CDH12: variants seen among roughly 807,000 people sequenced by gnomAD.
CDH12 encodes the protein cadherin-12.
Under a neutral mutation model 74.1 loss-of-function variants are expected in CDH12, and 41 were observed. The observed-to-expected ratio is 0.55, with a 90% confidence interval of 0.43 to 0.72. CDH12 has a LOEUF of 0.72. CDH12 is among the 30% of genes least tolerant of loss of function. The probability of loss-of-function intolerance (pLI) is 0.00; values close to 1 mark genes in which losing one functional copy is unlikely to be tolerated. For synonymous variants in CDH12, 399 were observed against 355.0 expected, an observed-to-expected ratio of 1.12 and a Z score of -1.39; for missense variants, 945 against 977.2, an observed-to-expected ratio of 0.97 and a Z score of 0.44.
chr5:22,767,397 A>C (rs932188017), intron 1 of CDH12, among the ~76,000 whole-genome samples: 3 of 152,042 alleles, frequency 2.0e-5, no homozygotes, highest in African/African-American at 7.2e-5. Flanking sequence ...TTATTTTATG[A>C]TATGATAGTG....
chr5:22,378,029 T>G (rs1054794415), intron 3 of CDH12, among the ~76,000 whole-genome samples: 1 of 152,196 alleles, frequency 6.6e-6, no homozygotes, highest in Non-Finnish European at 1.5e-5. Context: ...AATAACTGAT[T>G]ATGAATAATA....
intron 2 of CDH12, among the ~76,000 whole-genome samples, chr5:22,414,387 G>A (rs116503431): frequency 0.012 from 1,835 of 151,866 alleles, 38 homozygotes; most frequent in African/African-American, 0.041. Context: ...ATTGTTGTTT[G>A]AATAAAGATT....
intron 1 of CDH12, among the ~76,000 whole-genome samples, chr5:22,595,108 A>T (rs1374484749): frequency 2.0e-5 from 3 of 152,218 alleles, no homozygotes; most frequent in African/African-American, 7.2e-5. Flanking sequence ...ACAAAAAAAG[A>T]CATAAAATGA....
At position 22,078,846 on chromosome 5, in the gene CDH12, A is replaced by G. The variant is rs1742518085; in HGVS notation, c.-170T>C. On this transcript the variant is annotated 5_prime_UTR_variant, in exon 5 of 15. Coordinates refer to ENST00000382254, the MANE Select transcript of CDH12 (RefSeq NM_004061.5). ...GATGAAAAGGCTTCTGCTGTATTAT[A>G]TTCCATCTAAAGGGGCCTATGAAAT... is the stretch of plus-strand genomic sequence containing the variant. 1 of 1,399,200 alleles carries G rather than the reference A, an allele frequency of 7.1e-7. No homozygotes were observed. Among genetic ancestry groups the G allele is most frequent in the African/African-American group, 1.4e-5 (1 of 69,188 alleles). 86.7% of individuals were successfully genotyped at this position (1,399,200 alleles called of 1,614,324 possible). A position where few individuals can be genotyped will look rare whatever the true frequency, so the allele number is the denominator to read the frequency against.
In CDH12 at chr5:22,697,571, CA is replaced by C. The variant is rs397997008; in HGVS notation, c.-523+155486del. On this transcript the variant is annotated intron_variant, in intron 1 of 14. Coordinates refer to ENST00000382254, the MANE Select transcript of CDH12 (RefSeq NM_004061.5). ...TGGGCGACAGAGCGAGACTCTGTCTCAAAAAAAAAAAAAAAAAAGAAAGAAA... is the reference window on the plus strand; with the variant it reads ...TGGGCGACAGAGCGAGACTCTGTCTCAAAAAAAAAAAAAAAAAGAAAGAAA... Among the ~76,000 whole-genome samples the C allele has an allele frequency of 3.0e-3, 305 of 102,266 alleles. 2 individuals carry two copies. Among genetic ancestry groups the C allele is most frequent in the African/African-American group, 8.2e-3 (219 of 26,762 alleles). The allele number at this position is 102,266 out of a possible 152,430, so 67.1% of individuals were successfully genotyped here.
intron 5 of CDH12, among the ~76,000 whole-genome samples, chr5:22,027,924 T>C (rs1738494816): frequency 6.6e-6 from 1 of 152,298 alleles, no homozygotes; most frequent in East Asian, 1.9e-4. Context: ...CAATTTTGGA[T>C]CCTTCCTACT....
At chr5:22,382,913 C>T (rs1187275934) in intron 3 of CDH12, among the ~76,000 whole-genome samples, 1 of 152,070 alleles carries the variant, frequency 6.6e-6, no homozygotes, top group Non-Finnish European at 1.5e-5. Context: ...TCACTGCAAC[C>T]TCTGCCTCCC....
At chr5:22,475,818 A>G (rs1269230816) in intron 2 of CDH12, among the ~76,000 whole-genome samples, 1 of 152,106 alleles carries the variant, frequency 6.6e-6, no homozygotes, top group African/African-American at 2.4e-5. Context: ...CAAATTTTGA[A>G]TTACTTTTAA....
intron 8 of CDH12, among the ~76,000 whole-genome samples, chr5:21,834,986 G>A (rs537964824): frequency 9.9e-5 from 15 of 151,920 alleles, no homozygotes; most frequent in South Asian, 2.1e-4. Flanking sequence ...GCATACTGGA[G>A]ATAGTGATAA....
Position 22,767,907 on chromosome 5 carries a change from A to G in CDH12, c.-523+85151T>C, listed in dbSNP as rs117167228. Reference sequence around the variant, plus strand: ...ATTTCATTTTGATCTCACATTTTCAATGCAGAACATAAGCATTTAAACTAT... The same window carrying G: ...ATTTCATTTTGATCTCACATTTTCAGTGCAGAACATAAGCATTTAAACTAT... On this transcript the variant is annotated intron_variant, in intron 1 of 14. Coordinates refer to ENST00000382254, the MANE Select transcript of CDH12 (RefSeq NM_004061.5). Among the ~76,000 whole-genome samples, 28 of 152,156 alleles carry G rather than the reference A, an allele frequency of 1.8e-4. No individual in the cohort carries two copies. In the East Asian group the frequency reaches 4.4e-3, roughly 24 times the overall value.
In CDH12 at chr5:21,760,673, T is replaced by C; in HGVS notation, c.1518A>G (p.Ile506Met). 6.4e-7 allele frequency: 1 copy of C among 1,561,418 alleles called. No homozygotes were observed. Among genetic ancestry groups the C allele is most frequent in the Non-Finnish European group, 8.8e-7 (1 of 1,132,316 alleles). ...AVCENAKPGQIIQIVSAADRD... is the reference protein window; with the variant it reads ...AVCENAKPGQMIQIVSAADRD... ...GGTCTGCAGCACTGACTATCTGAATTATCTGCAACAGAGTTGAGATTAAAG... is the reference window on the plus strand; with the variant it reads ...GGTCTGCAGCACTGACTATCTGAATCATCTGCAACAGAGTTGAGATTAAAG... The change falls in exon 13 of 15, where the codon ATA (isoleucine) becomes ATG (methionine). Residue 506 changes from isoleucine to methionine, a missense_variant and splice_region_variant. Transcript: ENST00000382254.
At chr5:22,312,772 C>A (rs1415426905) in intron 3 of CDH12, among the ~76,000 whole-genome samples, 1 of 152,112 alleles carries the variant, frequency 6.6e-6, no homozygotes, top group Non-Finnish European at 1.5e-5. Flanking sequence ...CCTGCTGTTC[C>A]AAGCATTGAG....
chr5:21,977,074 T>C (rs183600785), intron 5 of CDH12, among the ~76,000 whole-genome samples: 162 of 152,194 alleles, frequency 1.1e-3, no homozygotes, highest in Non-Finnish European at 1.9e-3. Flanking sequence ...TTTCCTTCAA[T>C]ATTTGTTCTA....
intron 1 of CDH12, among the ~76,000 whole-genome samples, chr5:22,582,092 A>G (rs1025076429): frequency 6.6e-6 from 1 of 152,074 alleles, no homozygotes; most frequent in Admixed American, 6.6e-5. Flanking sequence ...CAAATCAAAT[A>G]CCCTCATATG....
intron 3 of CDH12, among the ~76,000 whole-genome samples, chr5:22,270,204 A>G (rs1736327174): frequency 6.6e-6 from 1 of 152,200 alleles, no homozygotes. Flanking sequence ...TTATTGCATA[A>G]GTAAATCACT....
intron 3 of CDH12, among the ~76,000 whole-genome samples, chr5:22,325,657 C>T (rs938302130): frequency 8.6e-5 from 13 of 151,992 alleles, no homozygotes; most frequent in East Asian, 7.7e-4. Flanking sequence ...GAGGCCGAGG[C>T]GGGCGCATCA....
intron 1 of CDH12, among the ~76,000 whole-genome samples, chr5:22,668,860 C>T (rs1740760199): frequency 6.6e-6 from 1 of 151,692 alleles, no homozygotes; most frequent in African/African-American, 2.4e-5. Context: ...TCTTCTCCTC[C>T]CTCCTCCTCT....
chr5:22,582,300 T>A (rs916489002), intron 1 of CDH12, among the ~76,000 whole-genome samples: 8 of 152,248 alleles, frequency 5.3e-5, no homozygotes, highest in Admixed American at 5.2e-4. Flanking sequence ...TTTCTTTTCA[T>A]CACCTGCATG....
In CDH12 at chr5:22,105,022, C is replaced by T. The variant is rs570600785; in HGVS notation, c.-186-26160G>A. Reference sequence around the variant, plus strand: ...CTTCATGCTTTCCTTGGCTCATACACGATATGCTCCCTGTGACTTCACATC... The same window carrying T: ...CTTCATGCTTTCCTTGGCTCATACATGATATGCTCCCTGTGACTTCACATC... On this transcript the variant is annotated intron_variant, in intron 4 of 14. Transcript: ENST00000382254. 1.0e-3 allele frequency among the ~76,000 whole-genome samples: 156 copies of T among 152,208 alleles called. 1 individual carries two copies. Among genetic ancestry groups the T allele is most frequent in the African/African-American group, 3.6e-3 (149 of 41,548 alleles).
Sources: allele counts gnomAD v4.1 joint callset (sites outside exome capture counted in the v4.1 genomes callset), GRCh38; gene constraint gnomAD v4.1.1; transcripts MANE v1.5; gene names NCBI Gene and HGNC (gene_info 2026-07-23, HGNC 2026-07-21).